The following AFG2A variants were observed in gnomAD, a reference collection of about 807,000 sequenced individuals.
AFG2A encodes the protein ATPase family gene 2 protein homolog A.
chr4:122,992,448 C>G, the AFG2A span, among the ~76,000 whole-genome samples: 1 of 152,176 alleles, frequency 6.6e-6, no homozygotes, highest in Non-Finnish European at 1.5e-5. Flanking sequence ...TAATTAGATT[C>G]CTAAAAATTC....
the AFG2A span, among the ~76,000 whole-genome samples, chr4:122,931,715 C>G: frequency 6.6e-6 from 1 of 152,186 alleles, no homozygotes; most frequent in African/African-American, 2.4e-5. Context: ...CTTCACTACA[C>G]TGCTGTGTCC....
chr4:123,111,492 T>C, the AFG2A span, among the ~76,000 whole-genome samples: 1 of 152,222 alleles, frequency 6.6e-6, no homozygotes, highest in Non-Finnish European at 1.5e-5. Context: ...AGAGCTTGTT[T>C]GGAAAAATTG....
chr4:123,125,157 G>A, the AFG2A span, among the ~76,000 whole-genome samples: 3,272 of 152,186 alleles, frequency 0.021, 113 homozygotes, highest in African/African-American at 0.074. Context: ...TTCTAGACAC[G>A]TACAGAAAAA....
the AFG2A span, among the ~76,000 whole-genome samples, chr4:122,996,687 G>T: frequency 6.6e-6 from 1 of 152,052 alleles, no homozygotes; most frequent in South Asian, 2.1e-4. Flanking sequence ...TCCCTCATAG[G>T]CTGCCTGCAA....
At chr4:123,290,354 A>G in the AFG2A span, among the ~76,000 whole-genome samples, 294 of 152,232 alleles carry the variant, frequency 1.9e-3, 1 homozygote, top group Middle Eastern at 0.01. Flanking sequence ...TATTTGATCC[A>G]TCTTGAGTTC....
At chr4:123,015,525 A>C in the AFG2A span, among the ~76,000 whole-genome samples, 4 of 151,878 alleles carry the variant, frequency 2.6e-5, no homozygotes, top group East Asian at 2.0e-4. Context: ...CAACAGGATC[A>C]CAAGGCAGAA....
the AFG2A span, among the ~76,000 whole-genome samples, chr4:123,076,087 A>G: frequency 3.3e-5 from 5 of 152,084 alleles, no homozygotes; most frequent in African/African-American, 1.2e-4. Context: ...CCTGAGCAAC[A>G]TAAGACTCCC....
chr4:123,281,186 A>G, the AFG2A span, among the ~76,000 whole-genome samples: 1 of 152,136 alleles, frequency 6.6e-6, no homozygotes, highest in Admixed American at 6.6e-5. Flanking sequence ...TTTTGTGGAT[A>G]AAGGGAAAAA....
At chr4:123,119,697 C>T in the AFG2A span, among the ~76,000 whole-genome samples, 2 of 152,080 alleles carry the variant, frequency 1.3e-5, no homozygotes, top group Admixed American at 6.5e-5. Flanking sequence ...TAGTAATGTG[C>T]TTTGAGGCAA....
chr4:123,027,121 G>GT, the AFG2A span, among the ~76,000 whole-genome samples: 35 of 150,292 alleles, frequency 2.3e-4, no homozygotes, highest in Non-Finnish European at 2.7e-4. Context: ...CTCAAGGTGT[G>GT]TTTTTTTTTC....
At chr4:123,293,696 A>G in the AFG2A span, among the ~76,000 whole-genome samples, 2 of 152,190 alleles carry the variant, frequency 1.3e-5, no homozygotes, top group African/African-American at 2.4e-5. Flanking sequence ...CACTATGCAG[A>G]CAAGGCAGTG....
At chr4:123,166,045 A>G in the AFG2A span, among the ~76,000 whole-genome samples, 1 of 152,124 alleles carries the variant, frequency 6.6e-6, no homozygotes, top group Non-Finnish European at 1.5e-5. Context: ...TGTCCAATGG[A>G]GCATTGATGC....
At chr4:123,054,240 T>C in the AFG2A span, among the ~76,000 whole-genome samples, 13 of 152,192 alleles carry the variant, frequency 8.5e-5, no homozygotes, top group African/African-American at 3.1e-4. Flanking sequence ...TGGGTGTTAG[T>C]GTACCCTCTC....
the AFG2A span, among the ~76,000 whole-genome samples, chr4:123,045,647 T>C: frequency 5.9e-5 from 9 of 152,210 alleles, no homozygotes; most frequent in Non-Finnish European, 1.2e-4. Context: ...ATTCTTCTCA[T>C]TGCATTCTAT....
the AFG2A span, among the ~76,000 whole-genome samples, chr4:123,269,761 A>G: frequency 1.7e-5 from 1 of 59,312 alleles, no homozygotes; most frequent in East Asian, 2.9e-4. Context: ...GTCCCCCTTA[A>G]TGCATCTTTT....
At chr4:122,979,172 A>T in the AFG2A span, 3 of 1,561,726 alleles carry the variant, frequency 1.9e-6, no homozygotes, top group African/African-American at 4.1e-5. Context: ...CGGAGCCATC[A>T]ATTCAGTCTG....
the AFG2A span, among the ~76,000 whole-genome samples, chr4:123,212,220 C>T: frequency 2.0e-5 from 3 of 152,032 alleles, no homozygotes; most frequent in Admixed American, 2.0e-4. Context: ...TGGGGTCTGT[C>T]CATAGTTTTT....
chr4:122,940,031 T>C, the AFG2A span, among the ~76,000 whole-genome samples: 3 of 152,252 alleles, frequency 2.0e-5, no homozygotes, highest in East Asian at 1.9e-4. Context: ...CAGTCTGTCA[T>C]TGTGGGACAT....
the AFG2A span, among the ~76,000 whole-genome samples, chr4:122,990,062 C>T: frequency 2.6e-5 from 4 of 152,080 alleles, no homozygotes; most frequent in Non-Finnish European, 4.4e-5. Flanking sequence ...CATGGGTTTT[C>T]TCTGTGTTGC....
Sources: allele counts gnomAD v4.1 joint callset (sites outside exome capture counted in the v4.1 genomes callset), GRCh38; gene constraint gnomAD v4.1.1; transcripts MANE v1.5; gene names NCBI Gene and HGNC (gene_info 2026-07-23, HGNC 2026-07-21).